KIF18A: variants seen among roughly 807,000 people sequenced by gnomAD.
KIF18A encodes the protein kinesin family member 18A.
A neutral mutation model predicts 103.3 loss-of-function variants in KIF18A; 67 were observed. The ratio of observed to expected loss-of-function variants is 0.65; its 90% CI spans 0.53 to 0.79. The LOEUF (loss-of-function observed/expected upper bound fraction) is 0.79, where lower values mean the gene tolerates loss of function less well. Ranked by LOEUF, KIF18A falls within the 30% of genes least tolerant of loss-of-function variation. The probability of loss-of-function intolerance (pLI) is 0.00; values close to 1 mark genes in which losing one functional copy is unlikely to be tolerated. For missense variants in KIF18A, 1,032 were observed against 1,062.5 expected (o/e 0.97, Z 0.40); for synonymous variants, 367 against 355.5 (o/e 1.03, Z -0.36).
At position 28,092,067 on chromosome 11, in the gene KIF18A, G is replaced by A. The variant is rs11030208; in HGVS notation, c.484-554C>T. ...TCTGACCTCGTGATCCGCCCACCTC[G>A]GCCTCCCAAAGTGCTGGGATTACAG... On this transcript the variant is annotated intron_variant, in intron 3 of 16. Coordinates refer to ENST00000263181, the MANE Select transcript of KIF18A (RefSeq NM_031217.4). 8.4e-3 allele frequency among the ~76,000 whole-genome samples: 1,281 copies of A among 152,154 alleles called. 10 individuals are homozygous for A. The highest frequency in any genetic ancestry group is 0.029 in the African/African-American group (1,204 of 41,504).
intron 5 of KIF18A, 113 bp downstream of exon 5, chr11:28,090,504 C>G (rs1257652553): frequency 6.4e-6 from 4 of 623,494 alleles, no homozygotes; most frequent in African/African-American, 5.6e-5. Flanking sequence ...AAAGTACTGA[C>G]AAGTGAAGTC....
chr11:28,097,036 GT>G (rs1851385276), intron 2 of KIF18A, among the ~76,000 whole-genome samples: 1 of 152,064 alleles, frequency 6.6e-6, no homozygotes, highest in African/African-American at 2.4e-5. Context: ...TTTATTTTAG[GT>G]TTGGGGGTAC....
chr11:28,028,138 T>C (rs1354704595), intron 15 of KIF18A, among the ~76,000 whole-genome samples: 2 of 151,576 alleles, frequency 1.3e-5, no homozygotes, highest in African/African-American at 2.4e-5. Context: ...TTTGATAAAA[T>C]TCAACATCCC....
Position 28,097,952 on chromosome 11 carries a change from G to C in KIF18A, c.-5C>G. ...GTCTTCCTCAGTGACAGACATTGTT[G>C]ATTATCTTGATTCCTATCTGTATAA... On this transcript the variant is annotated 5_prime_UTR_variant, in exon 2 of 17. The change creates a new upstream start codon in the 5' untranslated region. Coordinates refer to ENST00000263181, the MANE Select transcript of KIF18A (RefSeq NM_031217.4). 1 of 1,538,066 alleles carries C rather than the reference G, an allele frequency of 6.5e-7. No homozygotes were observed. The highest frequency in any genetic ancestry group is 8.8e-7 in the Non-Finnish European group (1 of 1,141,784).
chr11:28,097,753 T>C lies in KIF18A; in HGVS notation c.195A>G (p.Ile65Met). ...HGKKTTNQNV[I>M]KKQNKDLKFV... ...ATTTAAGATCCTTATTTTGTTTCTT[T>C]ATAACATTTTGATTTGTAGTTTTCT... Residue 65 changes from isoleucine (I) to methionine (M), a missense_variant, in exon 2 of 17, where the codon ATA becomes ATG. By Grantham distance (10) the Ile-to-Met change is conservative. Transcript: ENST00000263181. 1.9e-6 allele frequency: 3 copies of C among 1,611,802 alleles called. No individual in the cohort carries two copies. The highest frequency in any genetic ancestry group is 2.5e-6 in the Non-Finnish European group (3 of 1,178,412).
intron 13 of KIF18A, among the ~76,000 whole-genome samples, chr11:28,047,103 T>C (rs555354070): frequency 1.1e-4 from 16 of 149,182 alleles, no homozygotes; most frequent in East Asian, 7.8e-4. Context: ...GTAAATATTG[T>C]AAGTTTGTTA....
chr11:28,102,046 GC>G (rs1263900606), intron 1 of KIF18A, among the ~76,000 whole-genome samples: 2 of 152,152 alleles, frequency 1.3e-5, no homozygotes, highest in African/African-American at 4.8e-5. Flanking sequence ...AGATTTACTT[GC>G]CAAGCCTTGA....
chr11:28,060,188 A>G (rs1735985350), intron 12 of KIF18A, among the ~76,000 whole-genome samples: 1 of 152,216 alleles, frequency 6.6e-6, no homozygotes, highest in African/African-American at 2.4e-5. Flanking sequence ...ACACTCAATC[A>G]GTGGTTCCCA....
intron 13 of KIF18A, among the ~76,000 whole-genome samples, chr11:28,053,373 A>T (rs2133517713): frequency 6.6e-6 from 1 of 151,938 alleles, no homozygotes; most frequent in Non-Finnish European, 1.5e-5. Flanking sequence ...TATTTTTCTA[A>T]TTTTTTCCAG....
intron 1 of KIF18A, among the ~76,000 whole-genome samples, chr11:28,105,594 A>C (rs1851494427): frequency 6.6e-6 from 1 of 152,110 alleles, no homozygotes; most frequent in Non-Finnish European, 1.5e-5. Flanking sequence ...CCTTTGACCA[A>C]AATCTCCCTA....
chr11:28,057,469 C>A (rs544487586), intron 13 of KIF18A, among the ~76,000 whole-genome samples: 3 of 151,970 alleles, frequency 2.0e-5, no homozygotes, highest in Non-Finnish European at 4.4e-5. Flanking sequence ...GAGCAGAGAT[C>A]GCGCCACTGC....
In KIF18A at chr11:28,084,725, T is replaced by C. The variant is rs758534370; in HGVS notation, c.981A>G (p.Ile327Met). ...AGGAAGGACTAACAGCAGCTATCAT[T>C]ATAGTTTGACAGTTTCCTCCAAGAG... Reference protein sequence around the residue: ...KDSLGGNCQTIMIAAVSPSSV... With the variant: ...KDSLGGNCQTMMIAAVSPSSV... Residue 327 changes from isoleucine (I) to methionine (M), a missense_variant, in exon 7 of 17, where the codon ATA (isoleucine) becomes ATG (methionine). Coordinates refer to ENST00000263181, the MANE Select transcript of KIF18A (RefSeq NM_031217.4). 1.2e-6 allele frequency: 2 copies of C among 1,612,002 alleles called. No homozygotes were observed. The highest frequency in any genetic ancestry group is 3.3e-5 in the Admixed American group (2 of 60,010).
chr11:28,103,288 G>C (rs1428324947), intron 1 of KIF18A, among the ~76,000 whole-genome samples: 1 of 149,956 alleles, frequency 6.7e-6, no homozygotes, highest in Non-Finnish European at 1.5e-5. Context: ...TCAGATTAGA[G>C]ATCCTCAACC....
At chr11:28,039,616 T>C (rs1208739536) in intron 13 of KIF18A, among the ~76,000 whole-genome samples, 1 of 151,750 alleles carries the variant, frequency 6.6e-6, no homozygotes, top group Non-Finnish European at 1.5e-5. Flanking sequence ...GGTAGAACAC[T>C]GAAGAAATAT....
chr11:28,091,723 T>C (rs1378819403), intron 3 of KIF18A, among the ~76,000 whole-genome samples: 3 of 152,240 alleles, frequency 2.0e-5, no homozygotes, highest in Admixed American at 6.5e-5. Context: ...AGGTTTGAAA[T>C]TGAAACTTAA....
intron 10 of KIF18A, 118 bp from the exon 11 acceptor site, chr11:28,069,541 T>C: frequency 1.1e-6 from 1 of 944,456 alleles, no homozygotes. Flanking sequence ...TTAGGCTACA[T>C]TTTTGTATTT....
Position 28,088,631 on chromosome 11 carries a change from G to A in KIF18A, c.790C>T (p.Arg264Ter), listed in dbSNP as rs1427199025. The A allele has an allele frequency of 1.1e-5, 18 of 1,613,740 alleles. No homozygotes were observed. Among genetic ancestry groups the A allele is most frequent in the South Asian group, 3.3e-5 (3 of 91,082 alleles). The change falls in exon 6 of 17, where the codon CGA becomes TGA. Residue 264 changes from arginine (R) to a stop codon, truncating the protein, a stop_gained. Transcript: ENST00000263181. LOFTEE classifies it high-confidence loss of function. ...MSLIDLAGSE[R>*]ASTSGAKGTR... ...CCCTTAGCACCGGAAGTACTTGCTC[G>A]CTCAGATCCTGCCAGGTCAATGAGT...
At chr11:28,021,365 AC>A (rs2133478486) in intron 16 of KIF18A, 83 bp from the exon 17 acceptor site, 2 of 1,122,284 alleles carry the variant, frequency 1.8e-6, no homozygotes, top group South Asian at 2.6e-5. Context: ...AAAAATTATG[AC>A]CATAGAAAGA....
rs1238827041 is a variant in KIF18A at position 28,058,967 on chromosome 11, A to G, written c.1907T>C (p.Met636Thr). The G allele has an allele frequency of 7.4e-6, 12 of 1,614,114 alleles. No homozygotes were observed. The highest frequency in any genetic ancestry group is 1.1e-5 in the South Asian group (1 of 91,084). ...QNDLPGISVLMTFPQLGPVQP... is the reference protein window; with the variant it reads ...QNDLPGISVLTTFPQLGPVQP... ...AACTGGTCCAAGTTGTGGAAAGGTC[A>G]TAAGAACAGAAATCCCTGGTAGATC... The change falls in exon 13 of 17, where the codon ATG becomes ACG. Residue 636 changes from methionine to threonine, a missense_variant. Physicochemically the swap from Met to Thr is moderately conservative, Grantham distance 81. Coordinates refer to ENST00000263181, the MANE Select transcript of KIF18A (RefSeq NM_031217.4).
Sources: gnomAD v4.1 joint callset for allele counts (sites outside exome capture counted in the v4.1 genomes callset) on GRCh38, gnomAD v4.1.1 for gene constraint, MANE v1.5 for transcripts, NCBI Gene and HGNC (gene_info 2026-07-23, HGNC 2026-07-21) for gene names.